The following DNAJC1 variants were observed in gnomAD, a reference collection of about 807,000 sequenced individuals.
DNAJC1 encodes DnaJ heat shock protein family (Hsp40) member C1, also known as dnaJ homolog subfamily C member 1.
In DNAJC1, 58 loss-of-function variants were observed where a neutral mutation model predicts 76.6. The ratio of observed to expected loss-of-function variants is 0.76; its 90% CI spans 0.61 to 0.94. The LOEUF (loss-of-function observed/expected upper bound fraction) is 0.94. DNAJC1 is among the 40% of genes least tolerant of loss of function. DNAJC1 has a pLI of 0.00. For missense variants in DNAJC1, 689 were observed against 677.3 expected (o/e 1.02, Z -0.19); for synonymous variants, 258 against 267.9 (o/e 0.96, Z 0.36).
At chr10:21,809,033 A>T (rs955329066) in intron 8 of DNAJC1, among the ~76,000 whole-genome samples, 2 of 152,212 alleles carry the variant, frequency 1.3e-5, no homozygotes, top group Admixed American at 6.5e-5. Context: ...ATGAAAACTT[A>T]AATTATATTC....
intron 6 of DNAJC1, 48 bp downstream of exon 6, chr10:21,918,731 T>C (rs765786136): frequency 2.2e-6 from 3 of 1,373,350 alleles, no homozygotes; most frequent in Admixed American, 3.4e-5. Context: ...ATTTCATGAG[T>C]GATTAAAAAT....
chr10:21,825,903 T>C (rs950769422), intron 8 of DNAJC1, among the ~76,000 whole-genome samples: 1 of 152,222 alleles, frequency 6.6e-6, no homozygotes, highest in African/African-American at 2.4e-5. Flanking sequence ...GACTTCTTTA[T>C]ATATTGTGGT....
chr10:21,937,201 T>C (rs564200324), intron 1 of DNAJC1, among the ~76,000 whole-genome samples: 2 of 152,086 alleles, frequency 1.3e-5, no homozygotes, highest in Non-Finnish European at 1.5e-5. Flanking sequence ...CAAGAGAGGA[T>C]TTACTGTACA....
intron 9 of DNAJC1, among the ~76,000 whole-genome samples, chr10:21,789,784 T>C (rs1443865241): frequency 2.0e-5 from 3 of 151,898 alleles, no homozygotes; most frequent in African/African-American, 7.3e-5. Flanking sequence ...CCAAGGTGGG[T>C]GGATCACATG....
At chr10:21,890,180 G>T (rs1000788447) in intron 7 of DNAJC1, among the ~76,000 whole-genome samples, 6 of 151,876 alleles carry the variant, frequency 4.0e-5, no homozygotes, top group East Asian at 1.9e-4. Flanking sequence ...GGGAGGCTGG[G>T]GGGGGGTGGA....
intron 8 of DNAJC1, among the ~76,000 whole-genome samples, chr10:21,880,895 C>T (rs1030139867): frequency 3.9e-5 from 6 of 152,184 alleles, no homozygotes; most frequent in African/African-American, 7.2e-5. Flanking sequence ...CATGAAAGTC[C>T]TAGATGTTAT....
chr10:21,756,814 C>A, intron 11 of DNAJC1, 59 bp from the exon 12 acceptor site: 2 of 1,524,140 alleles, frequency 1.3e-6, no homozygotes, highest in Non-Finnish European at 1.8e-6. Context: ...GTGTGGTCAT[C>A]ATGTGGCCGG....
At chr10:21,984,659 A>G (rs1452356387) in intron 1 of DNAJC1, among the ~76,000 whole-genome samples, 4 of 152,250 alleles carry the variant, frequency 2.6e-5, no homozygotes, top group African/African-American at 9.6e-5. Flanking sequence ...TATATATTTA[A>G]AATCATTTTT....
At chr10:21,837,055 C>A (rs560126962) in intron 8 of DNAJC1, among the ~76,000 whole-genome samples, 4 of 152,328 alleles carry the variant, frequency 2.6e-5, no homozygotes, top group African/African-American at 9.6e-5. Context: ...GGATTGCAGG[C>A]GTGCGCCGCC....
intron 9 of DNAJC1, among the ~76,000 whole-genome samples, chr10:21,778,968 G>A (rs1038961807): frequency 2.6e-5 from 4 of 152,198 alleles, no homozygotes; most frequent in South Asian, 2.1e-4. Flanking sequence ...TGGCTTGGAC[G>A]GTCCCACGCC....
intron 8 of DNAJC1, among the ~76,000 whole-genome samples, chr10:21,882,037 C>T (rs1836289559): frequency 6.6e-6 from 1 of 151,886 alleles, no homozygotes; most frequent in South Asian, 2.1e-4. Flanking sequence ...ACCTGTAGTC[C>T]CAGCTACTTG....
intron 9 of DNAJC1, among the ~76,000 whole-genome samples, chr10:21,776,770 T>C (rs762971403): frequency 3.3e-5 from 5 of 152,226 alleles, no homozygotes; most frequent in Non-Finnish European, 5.9e-5. Context: ...AAAGCGAAGG[T>C]CTTTGATTAA....
At chr10:21,957,565 A>C (rs1240475584) in intron 1 of DNAJC1, among the ~76,000 whole-genome samples, 1 of 152,192 alleles carries the variant, frequency 6.6e-6, no homozygotes, top group Non-Finnish European at 1.5e-5. Flanking sequence ...TCTTTGCAAT[A>C]GTTCTGTACT....
chr10:21,776,001 C>A (rs1564784477), intron 9 of DNAJC1, among the ~76,000 whole-genome samples: 1 of 151,910 alleles, frequency 6.6e-6, no homozygotes, highest in Non-Finnish European at 1.5e-5. Context: ...TCCTAATGCC[C>A]AAATTTATCT....
intron 8 of DNAJC1, among the ~76,000 whole-genome samples, chr10:21,867,341 GCTGT>G (rs1482067086): frequency 6.6e-6 from 1 of 152,052 alleles, no homozygotes; most frequent in East Asian, 1.9e-4. Flanking sequence ...ACAGATGTGT[GCTGT>G]CTAATATGGT....
At chr10:21,945,584 G>A (rs1460046301) in intron 1 of DNAJC1, among the ~76,000 whole-genome samples, 4 of 152,072 alleles carry the variant, frequency 2.6e-5, no homozygotes, top group East Asian at 1.9e-4. Context: ...AAAAGGAGAG[G>A]ATACATGTAG....
At chr10:21,980,117 T>C (rs757355792) in intron 1 of DNAJC1, among the ~76,000 whole-genome samples, 1 of 152,074 alleles carries the variant, frequency 6.6e-6, no homozygotes, top group Non-Finnish European at 1.5e-5. Flanking sequence ...AAATATCTAC[T>C]GACCACAGGG....
chr10:21,833,531 G>C (rs932307346), intron 8 of DNAJC1, among the ~76,000 whole-genome samples: 1 of 152,090 alleles, frequency 6.6e-6, no homozygotes, highest in Non-Finnish European at 1.5e-5. Flanking sequence ...CAGTGAAGTG[G>C]GTGTGAATCA....
At chr10:21,786,626 G>T (rs891475436) in intron 9 of DNAJC1, among the ~76,000 whole-genome samples, 1 of 151,684 alleles carries the variant, frequency 6.6e-6, no homozygotes. Context: ...GCAGGCGTGC[G>T]CCACCACACC....
Sources: gnomAD v4.1 joint callset for allele counts (sites outside exome capture counted in the v4.1 genomes callset) on GRCh38, gnomAD v4.1.1 for gene constraint, MANE v1.5 for transcripts, NCBI Gene and HGNC (gene_info 2026-07-23, HGNC 2026-07-21) for gene names.